APOB: variants seen among roughly 807,000 people sequenced by gnomAD.
APOB encodes the protein apolipoprotein B-100.
Under a neutral mutation model 314.1 loss-of-function variants are expected in APOB, and 153 were observed. The observed-to-expected ratio is 0.49, with a 90% CI of 0.43 to 0.56. The LOEUF is 0.56. Among genes scored for constraint, APOB ranks in the 20% least tolerant of loss-of-function variants. The probability of loss-of-function intolerance (pLI) is 0.00; values close to 1 mark genes in which losing one functional copy is unlikely to be tolerated. For synonymous variants in APOB, 2,087 were observed against 2,036.4 expected, an observed-to-expected ratio of 1.02 and a Z score of -0.67; for missense variants, 5,430 against 5,350.7, an observed-to-expected ratio of 1.01 and a Z score of -0.46.
chr2:21,034,894 A>G lies in APOB; in HGVS notation c.826T>C (p.Tyr276His). ...LFLPFSYKNK[Y>H]GMVAQVTQTL... ...TGTGTCACTTGTGCTACCATCCCAT[A>G]CTTATTCCTGGTAACCAAGGAAGCA... is the stretch of plus-strand genomic sequence containing the variant. Residue 276 changes from tyrosine to histidine, a missense_variant, in exon 8 of 29, where the codon TAT becomes CAT. Coordinates refer to ENST00000233242, the MANE Select transcript of APOB (RefSeq NM_000384.3). 6.4e-7 allele frequency: 1 copy of G among 1,558,030 alleles called. No individual in the cohort carries two copies.
At chr2:21,020,544 A>G (rs1331616820) in intron 18 of APOB, among the ~76,000 whole-genome samples, 1 of 151,844 alleles carries the variant, frequency 6.6e-6, no homozygotes, top group East Asian at 1.9e-4. Flanking sequence ...ATCTTCCTTG[A>G]CCTCCCAGAA....
intron 20 of APOB, among the ~76,000 whole-genome samples, chr2:21,018,195 T>G (rs1663522391): frequency 6.6e-6 from 1 of 152,226 alleles, no homozygotes; most frequent in South Asian, 2.1e-4. Flanking sequence ...ATATCTCTTC[T>G]GCCATTGCCC....
In APOB at chr2:21,006,639, T is replaced by C. The variant is rs1663149309; in HGVS notation, c.10229A>G (p.His3410Arg). The C allele has an allele frequency of 1.2e-6, 2 of 1,614,120 alleles. No homozygotes were observed. Among genetic ancestry groups the C allele is most frequent in the Non-Finnish European group, 1.7e-6 (2 of 1,179,970 alleles). Residue 3410 changes from histidine (H) to arginine (R), a missense_variant, in exon 26 of 29, where the codon CAT (histidine) becomes CGT (arginine). Physicochemically the swap from His to Arg is conservative, Grantham distance 29 (BLOSUM62 0). This residue lies in a region of APOB where 3,281 missense variants were observed against 3,171.0 expected (regional missense o/e 1.03). Transcript: ENST00000233242. ...SLSNKFVEGS[H>R]NSTVSLTTKN... ...CGTGGTTAAGCTCACAGTACTGTTATGACTACCCTCCACAAATTTGTTGCT... is the reference window on the plus strand; with the variant it reads ...CGTGGTTAAGCTCACAGTACTGTTACGACTACCCTCCACAAATTTGTTGCT...
chr2:21,019,928 G>C, intron 18 of APOB, 23 bp from the exon 19 acceptor site: 1 of 1,612,214 alleles, frequency 6.2e-7, no homozygotes, highest in Middle Eastern at 1.6e-4. Flanking sequence ...AAAAATACCT[G>C]AGTTATTGCC....
rs763127495 is a variant in APOB at position 21,002,398 on chromosome 2, G to A, written c.13024C>T (p.Pro4342Ser). ...EINTIFSDYI[P>S]YVFKLLKENL... The stretch of plus-strand genomic sequence containing the variant: ...TCTTTCAACAATTTAAAAACATATG[G>A]GATATAATCACTGAAGATTGTGTTG... Residue 4342 changes from proline (P) to serine (S), a missense_variant, in exon 29 of 29, where the codon CCA becomes TCA. By Grantham distance (74) the Pro-to-Ser change is moderately conservative. This residue lies in a region of APOB where 3,281 missense variants were observed against 3,171.0 expected (regional missense o/e 1.03). Transcript: ENST00000233242. 1 of 1,600,942 alleles carries A rather than the reference G, an allele frequency of 6.2e-7. No individual in the cohort carries two copies. Among genetic ancestry groups the A allele is most frequent in the Admixed American group, 1.7e-5 (1 of 58,470 alleles).
At position 21,011,753 on chromosome 2, in the gene APOB, G is replaced by C. The variant is rs146767015; in HGVS notation, c.5115C>G (p.Leu1705=). 2 of 1,614,028 alleles carry C rather than the reference G, an allele frequency of 1.2e-6. No homozygotes were observed. The highest frequency in any genetic ancestry group is 2.7e-5 in the African/African-American group (2 of 74,902). ...AKFSLDGKAA[L]TELSLGSAYQ... ...AAGCACTTCCCAGTGATAGCTCTGT[G>C]AGGGCGGCTTTCCCATCCAGACTGA... The change falls in exon 26 of 29, where the codon CTC becomes CTG. Residue 1705 remains leucine, a synonymous_variant. Transcript: ENST00000233242.
In APOB at chr2:21,013,524, C is replaced by G; in HGVS notation, c.3852G>C (p.Arg1284=). 1 of 1,614,072 alleles carries G rather than the reference C, an allele frequency of 6.2e-7. No homozygotes were observed. The highest frequency in any genetic ancestry group is 8.5e-7 in the Non-Finnish European group (1 of 1,180,016). ...TGTTCTTGTTCAAGGTATATTTGAC[C>G]CGGCCATCGCTGAAATGAACAACAA... ...PENLFLKSDG[R]VKYTLNKNSL... The change falls in exon 25 of 29, where the codon CGG becomes CGC. Residue 1284 remains arginine, a synonymous_variant. Coordinates refer to ENST00000233242, the MANE Select transcript of APOB (RefSeq NM_000384.3).
chr2:21,015,331 T>A (rs1394895198), intron 22 of APOB, 39 bp downstream of exon 22: 42 of 1,613,580 alleles, frequency 2.6e-5, no homozygotes, highest in Non-Finnish European at 3.4e-5. Context: ...AACACCTGCA[T>A]TACTTTGGAA....
In APOB at chr2:21,028,577, G is replaced by A. The variant is rs777645910; in HGVS notation, c.1618-39C>T. 4.9e-6 allele frequency: 7 copies of A among 1,414,368 alleles called. No individual in the cohort carries two copies. The African/African-American group carries it at 9.8e-5, about 20-fold the overall frequency. 87.6% of individuals were successfully genotyped at this position (1,414,368 alleles called of 1,614,324 possible). On this transcript the variant is annotated intron_variant, in intron 12 of 28. Transcript: ENST00000233242. ...AGGAGATGGTTATCACTGTCCTGTG[G>A]TCAGAACACAGAACATGCCTGGCAA...
At position 21,003,164 on chromosome 2, in the gene APOB, G is replaced by A. The variant is rs1663039308; in HGVS notation, c.12258C>T (p.Asn4086=). The change falls in exon 29 of 29, where the codon AAC becomes AAT. Residue 4086 remains asparagine, a synonymous_variant. Coordinates refer to ENST00000233242, the MANE Select transcript of APOB (RefSeq NM_000384.3). ...GCCCTGTGTGTTCCCAGTGGTACTTGTTGACATAATCATAAAGGACCCCTG... is the reference window on the plus strand; with the variant it reads ...GCCCTGTGTGTTCCCAGTGGTACTTATTGACATAATCATAAAGGACCCCTG... ...KATGVLYDYV[N]KYHWEHTGLT... 1 of 1,613,972 alleles carries A rather than the reference G, an allele frequency of 6.2e-7. No homozygotes were observed. The highest frequency in any genetic ancestry group is 8.5e-7 in the Non-Finnish European group (1 of 1,179,922).
At chr2:21,034,077 T>G (rs1261740076) in intron 8 of APOB, among the ~76,000 whole-genome samples, 2 of 152,182 alleles carry the variant, frequency 1.3e-5, no homozygotes, top group African/African-American at 4.8e-5. Flanking sequence ...CAGCAGCTTG[T>G]GGGGAGGGGA....
Position 21,043,961 on chromosome 2 carries a change from G to A in APOB, c.-16C>T. On this transcript the variant is annotated 5_prime_UTR_variant, in exon 1 of 29. Transcript: ENST00000233242. ...GCGGGTCCATCGCCAGCTGCGGTGG[G>A]GCGGCTCCTGGGCTGCGGCCTGGCC... 3.2e-6 allele frequency: 4 copies of A among 1,250,810 alleles called. No homozygotes were observed. Among genetic ancestry groups the A allele is most frequent in the Non-Finnish European group, 4.1e-6 (4 of 982,626 alleles). 77.5% of individuals were successfully genotyped at this position (1,250,810 alleles called of 1,614,324 possible). A position where few individuals can be genotyped will look rare whatever the true frequency, so the allele number is the denominator to read the frequency against.
In APOB at chr2:21,019,715, T is replaced by C. The variant is rs752443893; in HGVS notation, c.2999+8A>G. The C allele has an allele frequency of 6.2e-6, 10 of 1,613,812 alleles. No homozygotes were observed. Among genetic ancestry groups the C allele is most frequent in the Non-Finnish European group, 8.5e-6 (10 of 1,179,920 alleles). ...AAAATGCTGGGTCAGGCACTGAGCATCTCTAACCTGGTGTCCCCGGTCAGC... is the reference window on the plus strand; with the variant it reads ...AAAATGCTGGGTCAGGCACTGAGCACCTCTAACCTGGTGTCCCCGGTCAGC... On this transcript the variant is annotated splice_region_variant and intron_variant, in intron 19 of 28. Coordinates refer to ENST00000233242, the MANE Select transcript of APOB (RefSeq NM_000384.3).
intron 28 of APOB, 55 bp from the exon 29 acceptor site, chr2:21,003,389 T>G: frequency 6.9e-7 from 1 of 1,449,190 alleles, no homozygotes; most frequent in Non-Finnish European, 9.6e-7. Flanking sequence ...AATTACACAA[T>G]ATAGTACACT....
intron 4 of APOB, among the ~76,000 whole-genome samples, chr2:21,039,853 T>C (rs183385317): frequency 2.6e-5 from 4 of 152,138 alleles, no homozygotes; most frequent in East Asian, 3.9e-4. Flanking sequence ...AAATAAAGCA[T>C]AGGAAAGAAA....
Position 21,019,002 on chromosome 2 carries a change from A to G in APOB, c.3111T>C (p.Thr1037=). ...GTTTTGAATACTCACCTTCTGCTTG[A>G]GTTACAAACTTCAGGGTATCCACCA... is the stretch of plus-strand genomic sequence containing the variant. ...RALVDTLKFV[T]QAEGAKQTEA... The change falls in exon 20 of 29, where the codon ACT becomes ACC. Residue 1037 remains threonine (T), a synonymous_variant. Coordinates refer to ENST00000233242, the MANE Select transcript of APOB (RefSeq NM_000384.3). The G allele has an allele frequency of 6.2e-7, 1 of 1,613,992 alleles. No individual in the cohort carries two copies. Among genetic ancestry groups the G allele is most frequent in the Non-Finnish European group, 8.5e-7 (1 of 1,179,982 alleles).
At position 21,029,989 on chromosome 2, in the gene APOB, G is replaced by A; in HGVS notation, c.1379C>T (p.Thr460Ile). 6.2e-7 allele frequency: 1 copy of A among 1,613,370 alleles called. No homozygotes were observed. ...NNYHKTNPTG[T>I]QELLDIANYL... ...ATTAGCAATGTCCAGCAGCTCCTGG[G>A]TCCCTGTAGGGTTTGTCTTATGATA... is the stretch of plus-strand genomic sequence containing the variant. Residue 460 changes from threonine (T) to isoleucine (I), a missense_variant, in exon 11 of 29, where the codon ACC (threonine) becomes ATC (isoleucine). Physicochemically the swap from Thr to Ile is moderately conservative, Grantham distance 89 (BLOSUM62 -1). Coordinates refer to ENST00000233242, the MANE Select transcript of APOB (RefSeq NM_000384.3).
intron 1 of APOB, 77 bp from the exon 2 acceptor site, chr2:21,043,628 C>A (rs1377756658): frequency 1.9e-6 from 3 of 1,547,144 alleles, no homozygotes; most frequent in Non-Finnish European, 2.6e-6. Flanking sequence ...GGGGGACCAC[C>A]GGCACAGGTT....
At position 21,012,540 on chromosome 2, in the gene APOB, A is replaced by C; in HGVS notation, c.4328T>G (p.Leu1443Arg). Residue 1443 changes from leucine to arginine, a missense_variant, in exon 26 of 29, where the codon CTT becomes CGT. Physicochemically the swap from Leu to Arg is moderately radical, Grantham distance 102 (BLOSUM62 -2). This residue lies in a region of APOB where 2,085 missense variants were observed against 2,079.7 expected (regional missense o/e 1.00). Transcript: ENST00000233242. ...ACCTTTTGAGACTGGGTTGTTTCCA[A>C]GTTTTTCTACATGACTGAATTTGAT... The part of the protein sequence containing the change: ...SNIKFSHVEK[L>R]GNNPVSKGLL... 1 of 1,614,192 alleles carries C rather than the reference A, an allele frequency of 6.2e-7. No individual in the cohort carries two copies. Among genetic ancestry groups the C allele is most frequent in the Non-Finnish European group, 8.5e-7 (1 of 1,180,034 alleles).
Sources: gnomAD v4.1 joint callset for allele counts (sites outside exome capture counted in the v4.1 genomes callset) on GRCh38, gnomAD v4.1.1 for gene constraint, gnomAD v4.1.1 regional missense constraint, MANE v1.5 for transcripts, NCBI Gene and HGNC (gene_info 2026-07-23, HGNC 2026-07-21) for gene names.